The following TBCCD1 variants were observed in gnomAD, a reference collection of about 807,000 sequenced individuals.
TBCCD1 encodes TBCC domain containing 1.
A neutral mutation model predicts 53.4 loss-of-function variants in TBCCD1; 26 were observed. That is an observed-to-expected ratio of 0.49 (90% confidence interval 0.36 to 0.68). TBCCD1 has a LOEUF of 0.68. Ranked by LOEUF, TBCCD1 falls within the 30% of genes least tolerant of loss-of-function variation. The pLI is 0.00. For synonymous variants in TBCCD1, 245 were observed against 241.7 expected, an observed-to-expected ratio of 1.01 and a Z score of -0.13; for missense variants, 558 against 669.5, an observed-to-expected ratio of 0.83 and a Z score of 1.84.
upstream of TBCCD1, chr3:186,570,308 T>C (rs538877237): frequency 1.7e-4 from 92 of 539,440 alleles, no homozygotes; most frequent in African/African-American, 1.6e-3. Flanking sequence ...GGAGCGTAGC[T>C]GGGTATGAAT....
At chr3:186,553,386 C>T (rs1215595157) in intron 6 of TBCCD1, 1 of 152,054 alleles carries the variant, frequency 6.6e-6, no homozygotes, top group African/African-American at 2.4e-5. Flanking sequence ...TTTTACAACA[C>T]ATTATTATAA....
At chr3:186,566,889 C>T (rs1714848242) in intron 1 of TBCCD1, among the ~76,000 whole-genome samples, 1 of 152,220 alleles carries the variant, frequency 6.6e-6, no homozygotes, top group African/African-American at 2.4e-5. Flanking sequence ...AGGTACTGAG[C>T]CCCTGTCAAC....
chr3:186,556,800 C>T (rs1026403669), intron 3 of TBCCD1, 25 bp from the exon 4 acceptor site: 2 of 1,597,026 alleles, frequency 1.3e-6, no homozygotes, highest in Admixed American at 1.8e-5. Context: ...AAAGAAAGCA[C>T]TCTTAATAAA....
chr3:186,567,501 G>A (rs1714875762), upstream of TBCCD1: 1 of 152,262 alleles, frequency 6.6e-6, no homozygotes, highest in African/African-American at 2.4e-5. Flanking sequence ...GGCACCTGGA[G>A]CCAGACCCAC....
chr3:186,546,540 G>A lies in TBCCD1; in HGVS notation c.*437C>T, dbSNP rs905863234. 1.3e-5 allele frequency: 2 copies of A among 152,154 alleles called. No individual in the cohort carries two copies. The highest frequency in any genetic ancestry group is 2.9e-5 in the Non-Finnish European group (2 of 68,044). 9.4% of individuals were successfully genotyped at this position (152,154 alleles called of 1,614,324 possible). ...GAATGGAAATCAAAGTTCTTAAATA[G>A]AACAGAAGGCTGGGCACGGTGGCTC... On this transcript the variant is annotated 3_prime_UTR_variant, in exon 8 of 8. Coordinates refer to ENST00000338733, the MANE Select transcript of TBCCD1 (RefSeq NM_018138.5).
intron 7 of TBCCD1, among the ~76,000 whole-genome samples, chr3:186,548,605 G>C (rs1281197477): frequency 2.6e-5 from 4 of 152,110 alleles, no homozygotes; most frequent in African/African-American, 7.2e-5. Flanking sequence ...ATTCCTCAAA[G>C]ACAAACACTG....
intron 6 of TBCCD1, chr3:186,553,197 T>G (rs1714428217): frequency 6.6e-6 from 1 of 152,172 alleles, no homozygotes; most frequent in Non-Finnish European, 1.5e-5. Flanking sequence ...ATTAAGTGCT[T>G]ACATCCCACA....
intron 2 of TBCCD1, among the ~76,000 whole-genome samples, chr3:186,561,743 C>T (rs952984780): frequency 2.0e-5 from 3 of 151,852 alleles, no homozygotes; most frequent in Non-Finnish European, 2.9e-5. Context: ...GAGCTGAGAT[C>T]GCGCCACCGC....
At chr3:186,552,497 T>C (rs1434451271) in intron 6 of TBCCD1, among the ~76,000 whole-genome samples, 1 of 152,164 alleles carries the variant, frequency 6.6e-6, no homozygotes, top group Non-Finnish European at 1.5e-5. Flanking sequence ...TCCAAAAAAA[T>C]GTTGTGACCC....
chr3:186,551,176 C>A lies in TBCCD1; in HGVS notation c.1648G>T (p.Ala550Ser). The A allele has an allele frequency of 6.2e-7, 1 of 1,612,192 alleles. No homozygotes were observed. The highest frequency in any genetic ancestry group is 8.5e-7 in the Non-Finnish European group (1 of 1,179,874). ...QQLDSLVPPA[A>S]GSKQAAG ...TATCCAGCTGCTTGTTTGGAGCCTG[C>A]TGCAGGGGGTACAAGGCTGTCCAGC... Residue 550 changes from alanine (A) to serine (S), a missense_variant, in exon 7 of 8, where the codon GCA becomes TCA. By Grantham distance (99) the Ala-to-Ser change is moderately conservative. Transcript: ENST00000338733.
Position 186,550,517 on chromosome 3 carries a change from C to T in TBCCD1, c.*21+612G>A, listed in dbSNP as rs1026553052. On this transcript the variant is annotated intron_variant, in intron 7 of 7. Transcript: ENST00000338733. ...GCGAGAATCACTTGAACCCAGGAGG[C>T]GGAAGCTGCAGTGAGCTGAGATGGC... 2.0e-5 allele frequency among the ~76,000 whole-genome samples: 3 copies of T among 150,934 alleles called. No homozygotes were observed. In the South Asian group the frequency reaches 6.3e-4, roughly 31 times the overall value.
chr3:186,557,217 C>A (rs540729275), intron 3 of TBCCD1, among the ~76,000 whole-genome samples: 1 of 152,312 alleles, frequency 6.6e-6, no homozygotes, highest in South Asian at 2.1e-4. Context: ...TGCAATAAGT[C>A]CCATGCTAAT....
At chr3:186,549,527 A>G (rs1427685722) in intron 7 of TBCCD1, among the ~76,000 whole-genome samples, 1 of 152,036 alleles carries the variant, frequency 6.6e-6, no homozygotes, top group Non-Finnish European at 1.5e-5. Flanking sequence ...AAAAAGATCA[A>G]TTGGGTGTGA....
At chr3:186,558,380 T>C in intron 3 of TBCCD1, 37 bp downstream of exon 3, 1 of 1,583,652 alleles carries the variant, frequency 6.3e-7, no homozygotes, top group Non-Finnish European at 8.6e-7. Flanking sequence ...ACACAAATTG[T>C]CCCTTTTAGA....
upstream of TBCCD1, among the ~76,000 whole-genome samples, chr3:186,568,625 G>C (rs888721245): frequency 6.6e-6 from 1 of 152,192 alleles, no homozygotes; most frequent in Non-Finnish European, 1.5e-5. Context: ...AGGAGGCCGG[G>C]CGTGGTGGCT....
rs1171591470 is a variant in TBCCD1 at position 186,558,567 on chromosome 3, T to C, written c.342A>G (p.Ser114=). Residue 114 remains serine, a synonymous_variant, in exon 3 of 8, where the codon TCA becomes TCG. Coordinates refer to ENST00000338733, the MANE Select transcript of TBCCD1 (RefSeq NM_018138.5). The part of the protein sequence containing the change: ...EEVEKQRNQL[S]VDTLQFLLFL... ...AGAGCAGAAACTGTAGCGTGTCCAC[T>C]GAAAGCTGTCCAAGAAGAAAATAAA... The C allele has an allele frequency of 6.2e-7, 1 of 1,612,850 alleles. No homozygotes were observed. Among genetic ancestry groups the C allele is most frequent in the East Asian group, 2.2e-5 (1 of 44,860 alleles).
chr3:186,556,739 C>A lies in TBCCD1; in HGVS notation c.529G>T (p.Asp177Tyr). ...NDYSHQAFVY[D>Y]HLSDLLELLL... is the part of the protein sequence containing the mutation. ...AGCTCGAGGAGATCAGACAGATGAT[C>A]ATAGACAAAAGCTTGGTGACTGTAA... is the stretch of plus-strand genomic sequence containing the variant. The change falls in exon 4 of 8, where the codon GAT becomes TAT. Residue 177 changes from aspartate to tyrosine, a missense_variant. Asp to Tyr is a radical substitution (Grantham distance 160). Coordinates refer to ENST00000338733, the MANE Select transcript of TBCCD1 (RefSeq NM_018138.5). 6.2e-7 allele frequency: 1 copy of A among 1,613,926 alleles called. No individual in the cohort carries two copies. The highest frequency in any genetic ancestry group is 1.7e-5 in the Admixed American group (1 of 60,006).
At chr3:186,548,323 A>G (rs1381602356) in intron 7 of TBCCD1, among the ~76,000 whole-genome samples, 2 of 152,246 alleles carry the variant, frequency 1.3e-5, no homozygotes, top group Admixed American at 1.3e-4. Flanking sequence ...TGGACAAAGT[A>G]GATTAGTGGT....
intron 2 of TBCCD1, among the ~76,000 whole-genome samples, chr3:186,559,122 A>G (rs112655262): frequency 1.3e-5 from 2 of 152,242 alleles, no homozygotes; most frequent in African/African-American, 4.8e-5. Flanking sequence ...TATAGAAATT[A>G]TCTCTCAAAA....
Sources: allele counts gnomAD v4.1 joint callset (sites outside exome capture counted in the v4.1 genomes callset), GRCh38; gene constraint gnomAD v4.1.1; transcripts MANE v1.5; gene names NCBI Gene and HGNC (gene_info 2026-07-23, HGNC 2026-07-21).